The following APOBEC2 variants were observed in gnomAD, a reference collection of about 807,000 sequenced individuals.
The protein encoded by APOBEC2 is apolipoprotein B mRNA editing enzyme catalytic subunit 2, also known as C->U-editing enzyme APOBEC-2.
Under a neutral mutation model 19.4 loss-of-function variants are expected in APOBEC2, and 14 were observed. The ratio of observed to expected loss-of-function variants is 0.72; its 90% CI spans 0.48 to 1.13. APOBEC2 has a LOEUF of 1.13. Among genes scored for constraint, APOBEC2 ranks in the 50% most tolerant of loss-of-function variants. The pLI is 0.00. For synonymous variants in APOBEC2, 127 were observed against 112.1 expected (o/e 1.13, Z -0.84); for missense variants, 304 against 277.0 (o/e 1.10, Z -0.69).
At position 41,061,814 on chromosome 6, in the gene APOBEC2, G is replaced by A. The variant is rs1369775565; in HGVS notation, c.618G>A (p.Glu206=). ...EGESKAFQPW[E]DIQENFLYYE... ...AATCCAAGGCCTTTCAGCCCTGGGA[G>A]GACATTCAGGAGAACTTCCTATACT... Residue 206 remains glutamate, a synonymous_variant, in exon 2 of 3, where the codon GAG becomes GAA. Coordinates refer to ENST00000244669, the MANE Select transcript of APOBEC2 (RefSeq NM_006789.4). 2 of 1,614,200 alleles carry A rather than the reference G, an allele frequency of 1.2e-6. No individual in the cohort carries two copies. The highest frequency in any genetic ancestry group is 1.7e-5 in the Admixed American group (1 of 60,030).
Position 41,053,208 on chromosome 6 carries a change from C to A in APOBEC2, c.-140C>A, listed in dbSNP as rs1762752165. On this transcript the variant is annotated 5_prime_UTR_variant, in exon 1 of 3. It adds an upstream start codon to the 5' untranslated region. Transcript: ENST00000244669. ...TGGCTAAGTGGGGAAAGCACGAAGC[C>A]TGGCCTGCTGGGTCCTTTTCCCGTC... is the stretch of plus-strand genomic sequence containing the variant. 2.5e-6 allele frequency: 3 copies of A among 1,197,956 alleles called. No individual in the cohort carries two copies. Among genetic ancestry groups the A allele is most frequent in the South Asian group, 3.1e-5 (2 of 65,500 alleles). 74.2% of individuals were successfully genotyped at this position (1,197,956 alleles called of 1,614,324 possible).
chr6:41,061,850 G>A lies in APOBEC2; in HGVS notation c.654G>A (p.Lys218=). ...IQENFLYYEE[K]LADILK Reference sequence around the variant, plus strand: ...AGAACTTCCTATACTACGAGGAGAAGTTGGCAGACATCCTGAAGTAGGGCA... The same window carrying A: ...AGAACTTCCTATACTACGAGGAGAAATTGGCAGACATCCTGAAGTAGGGCA... Residue 218 remains lysine (K), a synonymous_variant, in exon 2 of 3, where the codon AAG becomes AAA. Coordinates refer to ENST00000244669, the MANE Select transcript of APOBEC2 (RefSeq NM_006789.4). 1 of 1,613,614 alleles carries A rather than the reference G, an allele frequency of 6.2e-7. No homozygotes were observed. The highest frequency in any genetic ancestry group is 1.7e-5 in the Admixed American group (1 of 60,020).
intron 1 of APOBEC2, among the ~76,000 whole-genome samples, chr6:41,057,987 GA>G (rs1762816070): frequency 1.3e-5 from 2 of 152,184 alleles, no homozygotes; most frequent in African/African-American, 4.8e-5. Flanking sequence ...CTTGTTTGGA[GA>G]AAGTATGAGG....
At position 41,061,842 on chromosome 6, in the gene APOBEC2, G is replaced by A. The variant is rs150558136; in HGVS notation, c.646G>A (p.Glu216Lys). 27 of 1,613,482 alleles carry A rather than the reference G, an allele frequency of 1.7e-5. No individual in the cohort carries two copies. In the African/African-American group the frequency reaches 2.7e-4, roughly 16 times the overall value. ...EDIQENFLYY[E>K]EKLADILK The stretch of plus-strand genomic sequence containing the variant: ...CATTCAGGAGAACTTCCTATACTAC[G>A]AGGAGAAGTTGGCAGACATCCTGAA... Residue 216 changes from glutamate to lysine, a missense_variant, in exon 2 of 3, where the codon GAG (glutamate) becomes AAG (lysine). Transcript: ENST00000244669.
intron 2 of APOBEC2, among the ~76,000 whole-genome samples, chr6:41,062,873 T>TGACGAAGCCCC (rs1159914677): frequency 8.5e-5 from 13 of 152,206 alleles, no homozygotes; most frequent in Non-Finnish European, 1.5e-4. Flanking sequence ...AGAAATGCTA[T>TGACGAAGCCCC]GACGAAGCCC....
intron 1 of APOBEC2, among the ~76,000 whole-genome samples, chr6:41,061,104 C>G (rs1480150545): frequency 2.0e-5 from 3 of 151,082 alleles, no homozygotes; most frequent in African/African-American, 7.3e-5. Context: ...AAATGCACAC[C>G]TCAGTCCAAA....
chr6:41,057,601 T>C (rs1273829111), intron 1 of APOBEC2, among the ~76,000 whole-genome samples: 1 of 152,164 alleles, frequency 6.6e-6, no homozygotes, highest in Non-Finnish European at 1.5e-5. Flanking sequence ...AGAAGGCCAA[T>C]GAAACCAGCA....
At chr6:41,059,214 A>G (rs879491) in intron 1 of APOBEC2, among the ~76,000 whole-genome samples, 59,768 of 152,098 alleles carry the variant, frequency 0.39, 12,384 homozygotes, top group African/African-American at 0.52. Context: ...GGGACCACAC[A>G]GCAGCTACTG....
intron 2 of APOBEC2, 130 bp downstream of exon 2, chr6:41,062,022 G>A: frequency 6.8e-6 from 6 of 885,156 alleles, no homozygotes; most frequent in Non-Finnish European, 1.0e-5. Context: ...CTTTTGACTG[G>A]TTGCAAAAAT....
At chr6:41,057,990 A>T (rs1247643446) in intron 1 of APOBEC2, among the ~76,000 whole-genome samples, 1 of 152,188 alleles carries the variant, frequency 6.6e-6, no homozygotes, top group Non-Finnish European at 1.5e-5. Flanking sequence ...GTTTGGAGAA[A>T]GTATGAGGAA....
rs142540209 is a variant in APOBEC2, at chr6:41,058,286, C to CCACA, written c.132-3023_132-3020dup. On this transcript the variant is annotated intron_variant, in intron 1 of 2. Coordinates refer to ENST00000244669, the MANE Select transcript of APOBEC2 (RefSeq NM_006789.4). ...CCACCACCACCACCCCACCACACAC[C>CCACA]CACACACACACACACACACACAGGT... 2.0e-3 allele frequency among the ~76,000 whole-genome samples: 221 copies of CCACA among 108,480 alleles called. 4 individuals are homozygous for CCACA. The highest frequency in any genetic ancestry group is 5.4e-3 in the African/African-American group (153 of 28,270). The allele number at this position is 108,480 out of a possible 152,430, so 71.2% of individuals were successfully genotyped here. A position where few individuals can be genotyped will look rare whatever the true frequency, so the allele number is the denominator to read the frequency against.
At chr6:41,053,559 A>T in intron 1 of APOBEC2, 81 bp downstream of exon 1, 16 of 1,579,274 alleles carry the variant, frequency 1.0e-5, no homozygotes, top group Non-Finnish European at 1.4e-5. Flanking sequence ...CAGGATGGTT[A>T]TATTAGGCGT....
chr6:41,062,041 A>G (rs1762884175), intron 2 of APOBEC2, 149 bp downstream of exon 2: 1 of 761,836 alleles, frequency 1.3e-6, no homozygotes, highest in East Asian at 2.7e-5. Context: ...ATAGTTTAGA[A>G]CATGTCTCTT....
chr6:41,054,854 G>A (rs974970323), intron 1 of APOBEC2, among the ~76,000 whole-genome samples: 5 of 152,156 alleles, frequency 3.3e-5, no homozygotes, highest in Non-Finnish European at 5.9e-5. Flanking sequence ...ACACACACGC[G>A]TGTGCACACT....
At chr6:41,060,226 C>T (rs1762854329) in intron 1 of APOBEC2, among the ~76,000 whole-genome samples, 3 of 152,140 alleles carry the variant, frequency 2.0e-5, no homozygotes, top group Non-Finnish European at 4.4e-5. Flanking sequence ...CTCAAAGGCA[C>T]CCACACAATT....
At chr6:41,060,955 T>G (rs1762861882) in intron 1 of APOBEC2, among the ~76,000 whole-genome samples, 1 of 152,248 alleles carries the variant, frequency 6.6e-6, no homozygotes, top group Admixed American at 6.5e-5. Flanking sequence ...TGGTTTGGCA[T>G]GAGGCCCAGG....
Position 41,053,498 on chromosome 6 carries a change from C to T in APOBEC2, c.131+20C>T, listed in dbSNP as rs117468613. The T allele has an allele frequency of 5.4e-3, 8,762 of 1,613,910 alleles. 234 individuals carry two copies. In the South Asian group the frequency reaches 0.061, roughly 11 times the overall value. On this transcript the variant is annotated intron_variant, in intron 1 of 2. Transcript: ENST00000244669. ...CACAGGGTAAGCCTCAGATGTGGGT[C>T]AGGGTTCTGCTCCCTAGAAGAGTGC...
At chr6:41,063,813 T>TA (rs1762914533) in intron 2 of APOBEC2, among the ~76,000 whole-genome samples, 1 of 151,234 alleles carries the variant, frequency 6.6e-6, no homozygotes, top group African/African-American at 2.4e-5. Flanking sequence ...TTTTTTTTTT[T>TA]AATGACAAAA....
At chr6:41,063,534 C>CTTTTTTTTT (rs34638825) in intron 2 of APOBEC2, among the ~76,000 whole-genome samples, 3 of 85,372 alleles carry the variant, frequency 3.5e-5, no homozygotes, top group African/African-American at 5.0e-5. Flanking sequence ...GTCCTTAGAG[C>CTTTTTTTTT]TTTTTTTTTT....
Sources: allele counts gnomAD v4.1 joint callset (sites outside exome capture counted in the v4.1 genomes callset), GRCh38; gene constraint gnomAD v4.1.1; transcripts MANE v1.5; gene names NCBI Gene and HGNC (gene_info 2026-07-23, HGNC 2026-07-21).